GPATCH1: variants seen among roughly 807,000 people sequenced by gnomAD.
GPATCH1 encodes G patch domain-containing protein 1.
In GPATCH1, 73 loss-of-function variants were observed where a neutral mutation model predicts 114.9. The ratio of observed to expected loss-of-function variants is 0.64; its 90% CI spans 0.53 to 0.77. The LOEUF is 0.77. Ranked by LOEUF, GPATCH1 falls within the 30% of genes least tolerant of loss-of-function variation. The pLI, the probability that GPATCH1 is intolerant of heterozygous loss-of-function variation, is 0.00. For synonymous variants in GPATCH1, 391 were observed against 428.4 expected (o/e 0.91, Z 1.08); for missense variants, 1,058 against 1,144.3 (o/e 0.92, Z 1.09).
chr19:33,098,053 G>T, intron 8 of GPATCH1, 151 bp downstream of exon 8: 1 of 820,540 alleles, frequency 1.2e-6, no homozygotes, highest in South Asian at 1.7e-5. Flanking sequence ...AGCATGGGAA[G>T]TGAAACAAAT....
intron 6 of GPATCH1, 78 bp downstream of exon 6, chr19:33,095,898 C>A: frequency 9.6e-7 from 1 of 1,043,096 alleles, no homozygotes; most frequent in Admixed American, 1.7e-5. Flanking sequence ...TGGTTGGAGA[C>A]AATTTTAGAA....
At chr19:33,121,840 C>G (rs1972988442) in intron 17 of GPATCH1, among the ~76,000 whole-genome samples, 1 of 152,082 alleles carries the variant, frequency 6.6e-6, no homozygotes, top group South Asian at 2.1e-4. Context: ...AGATATATAA[C>G]TAACATAAAA....
chr19:33,097,942 T>A, intron 8 of GPATCH1, 40 bp downstream of exon 8: 1 of 1,595,258 alleles, frequency 6.3e-7, no homozygotes, highest in Non-Finnish European at 8.6e-7. Context: ...GGACCAAGTG[T>A]CAGGGTATCA....
intron 15 of GPATCH1, among the ~76,000 whole-genome samples, chr19:33,116,890 T>C (rs1263936089): frequency 6.6e-6 from 1 of 152,062 alleles, no homozygotes; most frequent in East Asian, 1.9e-4. Flanking sequence ...ATGAGAAATC[T>C]TCAACCATTC....
chr19:33,120,271 C>CAATTATATATAAAATTATATAA (rs1555721438), intron 17 of GPATCH1, among the ~76,000 whole-genome samples: 12 of 120,282 alleles, frequency 1.0e-4, no homozygotes, highest in East Asian at 4.7e-4. Context: ...TTATATATAA[C>CAATTATATATAAAATTATATAA]AATTATATAT....
At chr19:33,085,910 C>G (rs1207036928) in intron 1 of GPATCH1, among the ~76,000 whole-genome samples, 3 of 152,138 alleles carry the variant, frequency 2.0e-5, no homozygotes, top group Admixed American at 2.0e-4. Flanking sequence ...AGGTTGCACT[C>G]AGTTGTCTGC....
chr19:33,097,917 A>T lies in GPATCH1; in HGVS notation c.1000+15A>T, dbSNP rs978823134. The T allele has an allele frequency of 1.2e-6, 2 of 1,613,182 alleles. No homozygotes were observed. Among genetic ancestry groups the T allele is most frequent in the Non-Finnish European group, 1.7e-6 (2 of 1,179,382 alleles). On this transcript the variant is annotated intron_variant, in intron 8 of 19. Transcript: ENST00000170564. ...AAACCAGAAAGGTAATTCGACAGCC[A>T]CAAACCTAATGGCAGGACCAAGTGT... is the stretch of plus-strand genomic sequence containing the variant.
chr19:33,082,470 GC>G (rs1972489197), intron 1 of GPATCH1, among the ~76,000 whole-genome samples: 1 of 152,068 alleles, frequency 6.6e-6, no homozygotes, highest in Non-Finnish European at 1.5e-5. Flanking sequence ...CTCCACTTAT[GC>G]CCCCTTTATT....
In GPATCH1 at chr19:33,094,228, T is replaced by C. The variant is rs1419388846; in HGVS notation, c.512T>C (p.Val171Ala). ...ATGGGTTGGAAAGAAGGACAAGGAG[T>C]TGGTCCTCGAGTAAAGAGACGGCCA... is the stretch of plus-strand genomic sequence containing the variant. ...RKMGWKEGQG[V>A]GPRVKRRPRR... Residue 171 changes from valine to alanine, a missense_variant, in exon 5 of 20, where the codon GTT (valine) becomes GCT (alanine). Coordinates refer to ENST00000170564, the MANE Select transcript of GPATCH1 (RefSeq NM_018025.3). The C allele has an allele frequency of 6.2e-7, 1 of 1,610,054 alleles. No homozygotes were observed. The highest frequency in any genetic ancestry group is 1.3e-5 in the African/African-American group (1 of 74,816).
In GPATCH1 at chr19:33,126,606, C is replaced by T; in HGVS notation, c.2638C>T (p.His880Tyr). 1.9e-6 allele frequency: 3 copies of T among 1,612,300 alleles called. No homozygotes were observed. The highest frequency in any genetic ancestry group is 2.5e-6 in the Non-Finnish European group (3 of 1,179,186). The stretch of plus-strand genomic sequence containing the variant: ...TTTACAGAAAAAGAAACACAGGAAG[C>T]ACAAACACAAAGGCAAGCAAAAGAA... ...KKEKKKKHRK[H>Y]KHKGKQKNKK... The change falls in exon 19 of 20, where the codon CAC becomes TAC. Residue 880 changes from histidine (H) to tyrosine (Y), a missense_variant. By Grantham distance (83) the His-to-Tyr change is moderately conservative. Transcript: ENST00000170564.
intron 1 of GPATCH1, 45 bp downstream of exon 1, chr19:33,081,311 G>A: frequency 1.4e-6 from 2 of 1,479,622 alleles, no homozygotes; most frequent in Middle Eastern, 1.7e-4. Context: ...AACAGGCCAA[G>A]GGCCCAGGAT....
In GPATCH1 at chr19:33,083,385, A is replaced by G. The variant is rs1444771941; in HGVS notation, c.73+2119A>G. 2.7e-5 allele frequency among the ~76,000 whole-genome samples: 4 copies of G among 148,484 alleles called. No homozygotes were observed. In the East Asian group the frequency reaches 7.9e-4, roughly 29 times the overall value. ...GCGTGACTCTCTACGCCTGGCCCCA[A>G]CCATGTTTTTGTTTTTTTTTTTTTT... On this transcript the variant is annotated intron_variant, in intron 1 of 19. Transcript: ENST00000170564.
rs774620918 is a variant in GPATCH1, at chr19:33,106,781, C to T, written c.1167C>T (p.His389=). 3 of 1,613,828 alleles carry T rather than the reference C, an allele frequency of 1.9e-6. No homozygotes were observed. In the African/African-American group the frequency reaches 4.0e-5, roughly 22 times the overall value. ...PMVAATSENS[H]LLQVLSESAG... ...TGGCCGCCACCTCCGAGAACTCACA[C>T]TTACTGCAGGTATTATCAGAGTCAG... Residue 389 remains histidine (H), a synonymous_variant, in exon 10 of 20, where the codon CAC becomes CAT. Coordinates refer to ENST00000170564, the MANE Select transcript of GPATCH1 (RefSeq NM_018025.3).
chr19:33,088,164 A>C lies in GPATCH1; in HGVS notation c.104A>C (p.Gln35Pro). ...AGACCAAAGAAACCAATCCCTCTTC[A>C]GGATCAGACTGTCAGAGATGAAAAA... ...GERPKKPIPL[Q>P]DQTVRDEKGR... Residue 35 changes from glutamine to proline, a missense_variant, in exon 2 of 20, where the codon CAG becomes CCG. This residue lies in a region of GPATCH1 where 131 missense variants were observed against 107.2 expected (regional missense o/e 1.22). Transcript: ENST00000170564. 1 of 1,568,324 alleles carries C rather than the reference A, an allele frequency of 6.4e-7. No individual in the cohort carries two copies. Among genetic ancestry groups the C allele is most frequent in the East Asian group, 2.3e-5 (1 of 44,122 alleles).
chr19:33,082,310 T>C (rs1972487224), intron 1 of GPATCH1, among the ~76,000 whole-genome samples: 1 of 152,194 alleles, frequency 6.6e-6, no homozygotes, highest in African/African-American at 2.4e-5. Flanking sequence ...CAGTAAGGGC[T>C]GTTGGCTGTG....
chr19:33,122,521 C>T (rs527939678), intron 17 of GPATCH1, among the ~76,000 whole-genome samples: 1 of 151,872 alleles, frequency 6.6e-6, no homozygotes, highest in South Asian at 2.1e-4. Context: ...GATGGGGTTT[C>T]ACCATGTTAG....
chr19:33,090,690 A>G (rs891078794), intron 2 of GPATCH1, 90 bp from the exon 3 acceptor site: 8 of 758,756 alleles, frequency 1.1e-5, no homozygotes, highest in Non-Finnish European at 1.8e-5. Context: ...AGTTATTGGG[A>G]ATTTCAAGTC....
chr19:33,106,395 C>G (rs1972785092), intron 9 of GPATCH1, among the ~76,000 whole-genome samples: 1 of 152,256 alleles, frequency 6.6e-6, no homozygotes, highest in Middle Eastern at 3.4e-3. Flanking sequence ...CATTTATGAT[C>G]TATTGTCATC....
intron 3 of GPATCH1, 77 bp downstream of exon 3, chr19:33,090,942 C>T (rs1972587689): frequency 2.5e-6 from 2 of 814,660 alleles, no homozygotes; most frequent in East Asian, 2.5e-5. Context: ...CTTCTCTCTC[C>T]CCAGAAGGTC....
Sources: gnomAD v4.1 joint callset for allele counts (sites outside exome capture counted in the v4.1 genomes callset) on GRCh38, gnomAD v4.1.1 for gene constraint, gnomAD v4.1.1 regional missense constraint, MANE v1.5 for transcripts, NCBI Gene and HGNC (gene_info 2026-07-23, HGNC 2026-07-21) for gene names.